Variants in PKN2 observed in about 807,000 individuals in gnomAD.
PKN2 encodes the protein serine/threonine-protein kinase N2.
Under a neutral mutation model 119.1 loss-of-function variants are expected in PKN2, and 38 were observed. That is an observed-to-expected ratio of 0.32 (90% CI 0.25 to 0.42). The LOEUF is 0.42. PKN2 is among the 10% of genes least tolerant of loss of function. The pLI is 1.00. For missense variants in PKN2, 850 were observed against 1,165.1 expected, an observed-to-expected ratio of 0.73 and a Z score of 3.94; for synonymous variants, 390 against 384.9, an observed-to-expected ratio of 1.01 and a Z score of -0.15.
intron 6 of PKN2, among the ~76,000 whole-genome samples, chr1:88,782,618 G>C (rs560270921): frequency 6.6e-6 from 1 of 151,842 alleles, no homozygotes; most frequent in East Asian, 1.9e-4. Context: ...GTCCCATCCA[G>C]TGTATTTTTT....
intron 1 of PKN2, among the ~76,000 whole-genome samples, chr1:88,698,753 T>A (rs969790970): frequency 1.4e-4 from 21 of 152,234 alleles, no homozygotes; most frequent in Non-Finnish European, 2.6e-4. Context: ...ATTATAATTT[T>A]AAATTTTTGA....
chr1:88,697,318 T>TA (rs1242281224), intron 1 of PKN2, among the ~76,000 whole-genome samples: 1 of 152,158 alleles, frequency 6.6e-6, no homozygotes, highest in Non-Finnish European at 1.5e-5. Context: ...GAACAGATTT[T>TA]AAAAAACATT....
At chr1:88,726,580 A>G (rs1311673124) in intron 1 of PKN2, among the ~76,000 whole-genome samples, 3 of 152,080 alleles carry the variant, frequency 2.0e-5, no homozygotes, top group African/African-American at 4.8e-5. Context: ...ATTTGAGTAT[A>G]TTTTGTTGAG....
intron 1 of PKN2, among the ~76,000 whole-genome samples, chr1:88,711,672 T>C (rs1021469951): frequency 1.6e-4 from 24 of 152,312 alleles, no homozygotes; most frequent in African/African-American, 5.8e-4. Flanking sequence ...TTGGAATGTT[T>C]GTAGAATGCT....
At chr1:88,776,508 G>A (rs1253713894) in intron 6 of PKN2, among the ~76,000 whole-genome samples, 5 of 151,942 alleles carry the variant, frequency 3.3e-5, no homozygotes, top group Admixed American at 1.3e-4. Context: ...AGGAGGCCGA[G>A]ACGGGTGGAT....
At chr1:88,752,429 C>CT (rs1570578181) in intron 2 of PKN2, among the ~76,000 whole-genome samples, 1 of 152,020 alleles carries the variant, frequency 6.6e-6, no homozygotes, top group Admixed American at 6.6e-5. Flanking sequence ...GGCTAGTCCT[C>CT]TAATTTTTTT....
In PKN2 at chr1:88,793,884, C is replaced by A. The variant is rs953084744; in HGVS notation, c.1281+7671C>A. 1.4e-4 allele frequency among the ~76,000 whole-genome samples: 22 copies of A among 152,064 alleles called. 1 individual carries two copies. On this transcript the variant is annotated intron_variant, in intron 8 of 21. Transcript: ENST00000370521. ...GTACAAATACAACTATCCTTTTATT[C>A]CCCAAATATTTTCAGTCGTGGTTGG... is the stretch of plus-strand genomic sequence containing the variant.
At chr1:88,825,966 C>G (rs1557638662) in intron 18 of PKN2, among the ~76,000 whole-genome samples, 1 of 152,314 alleles carries the variant, frequency 6.6e-6, no homozygotes, top group East Asian at 1.9e-4. Flanking sequence ...ACTCTATTTG[C>G]TGACTAACAT....
chr1:88,781,204 A>G (rs1220888448), intron 6 of PKN2: 3 of 1,245,220 alleles, frequency 2.4e-6, no homozygotes, highest in Non-Finnish European at 3.1e-6. Flanking sequence ...GCATGCTATT[A>G]TTTGTGGTTC....
intron 8 of PKN2, among the ~76,000 whole-genome samples, chr1:88,792,592 T>C (rs1351870048): frequency 1.3e-5 from 2 of 152,320 alleles, no homozygotes; most frequent in East Asian, 3.9e-4. Context: ...ACTTAAATAC[T>C]AATAGTCTAC....
chr1:88,790,017 GCTCCAGAAGGACT>G (rs1670751325), intron 8 of PKN2, among the ~76,000 whole-genome samples: 1 of 152,030 alleles, frequency 6.6e-6, no homozygotes, highest in African/African-American at 2.4e-5. Flanking sequence ...ATCCCCAAAA[GCTCCAGAAGGACT>G]CTGAAACAAC....
At chr1:88,713,648 G>A (rs12404690) in intron 1 of PKN2, among the ~76,000 whole-genome samples, 2 of 151,900 alleles carry the variant, frequency 1.3e-5, no homozygotes, top group African/African-American at 4.8e-5. Flanking sequence ...TTGTAAATTT[G>A]TTTAAGTTCT....
At chr1:88,832,891 C>G (rs1325821295) in intron 20 of PKN2, 40 bp downstream of exon 20, 10 of 1,326,576 alleles carry the variant, frequency 7.5e-6, no homozygotes, top group Non-Finnish European at 1.0e-5. Flanking sequence ...TTAAAGACTA[C>G]TTTAATTTTT....
At chr1:88,809,049 T>G (rs1216348793) in intron 15 of PKN2, among the ~76,000 whole-genome samples, 1 of 152,226 alleles carries the variant, frequency 6.6e-6, no homozygotes, top group Non-Finnish European at 1.5e-5. Flanking sequence ...ATATGGGTAG[T>G]TCTTAGAATA....
In PKN2 at chr1:88,780,983, A is replaced by G. The variant is rs72955453; in HGVS notation, c.986-3656A>G. The G allele has an allele frequency of 4.3e-3, 2,475 of 580,030 alleles. 55 individuals carry two copies. In the African/African-American group the frequency reaches 0.047, roughly 11 times the overall value. The allele number at this position is 580,030 out of a possible 1,614,324, so 35.9% of individuals were successfully genotyped here. ...GTTCCTCATTCCATTACTGAACTTTACTCAAAGTTATATAAGTCACCAACC... is the reference window on the plus strand; with the variant it reads ...GTTCCTCATTCCATTACTGAACTTTGCTCAAAGTTATATAAGTCACCAACC... On this transcript the variant is annotated intron_variant, in intron 6 of 21. Transcript: ENST00000370521.
chr1:88,698,141 G>A (rs938475746), intron 1 of PKN2, among the ~76,000 whole-genome samples: 17 of 152,218 alleles, frequency 1.1e-4, no homozygotes, highest in South Asian at 4.1e-4. Context: ...GAAACAAAAG[G>A]ACTGTTTTAT....
At chr1:88,757,138 A>G (rs887273578) in intron 2 of PKN2, among the ~76,000 whole-genome samples, 1 of 152,194 alleles carries the variant, frequency 6.6e-6, no homozygotes, top group African/African-American at 2.4e-5. Flanking sequence ...CAGTTAGAAT[A>G]GAAACCTTTC....
intron 16 of PKN2, among the ~76,000 whole-genome samples, chr1:88,815,167 T>A (rs1183212294): frequency 6.6e-6 from 1 of 152,230 alleles, no homozygotes; most frequent in African/African-American, 2.4e-5. Flanking sequence ...TATGCTTGTT[T>A]TTGTTTTTAA....
chr1:88,718,109 T>A (rs1211683494), intron 1 of PKN2, among the ~76,000 whole-genome samples: 2 of 152,194 alleles, frequency 1.3e-5, no homozygotes, highest in Non-Finnish European at 2.9e-5. Flanking sequence ...CCTGTTTGCC[T>A]GGGTATCACC....
Sources: gnomAD v4.1 joint callset for allele counts (sites outside exome capture counted in the v4.1 genomes callset) on GRCh38, gnomAD v4.1.1 for gene constraint, MANE v1.5 for transcripts, NCBI Gene and HGNC (gene_info 2026-07-23, HGNC 2026-07-21) for gene names.